The following BTBD7 variants were observed in gnomAD, a reference collection of about 807,000 sequenced individuals.
BTBD7 encodes the protein BTB domain containing 7.
In BTBD7, 38 loss-of-function variants were observed where a neutral mutation model predicts 99.9. The ratio of observed to expected loss-of-function variants is 0.38; its 90% confidence interval spans 0.29 to 0.50. The LOEUF is 0.50. Among genes scored for constraint, BTBD7 ranks in the 20% least tolerant of loss-of-function variants. BTBD7 has a pLI of 0.93. For missense variants in BTBD7, 1,170 were observed against 1,394.6 expected, an observed-to-expected ratio of 0.84 and a Z score of 2.57; for synonymous variants, 520 against 511.4, an observed-to-expected ratio of 1.02 and a Z score of -0.23.
chr14:93,326,521 G>A (rs1332944861), intron 1 of BTBD7, among the ~76,000 whole-genome samples: 1 of 152,050 alleles, frequency 6.6e-6, no homozygotes, highest in Non-Finnish European at 1.5e-5. Flanking sequence ...AGAAAACTGG[G>A]CCAGACATGG....
intron 3 of BTBD7, among the ~76,000 whole-genome samples, chr14:93,286,486 G>A (rs2052779179): frequency 6.6e-6 from 1 of 152,208 alleles, no homozygotes; most frequent in Non-Finnish European, 1.5e-5. Flanking sequence ...CTCAACCCAA[G>A]TCGGGGGTAA....
At chr14:93,276,892 ATTTTTTTTTTTT>A (rs549579457) in intron 3 of BTBD7, among the ~76,000 whole-genome samples, 9 of 80,370 alleles carry the variant, frequency 1.1e-4, no homozygotes, top group African/African-American at 3.5e-4. Context: ...ACACAGATTA[ATTTTTTTTTTTT>A]TTTTTTTTTT....
intron 3 of BTBD7, among the ~76,000 whole-genome samples, chr14:93,267,028 G>GGGCATTGGAATAGAATTGAGTGGGAC (rs1440257936): frequency 6.6e-6 from 1 of 152,140 alleles, no homozygotes; most frequent in Non-Finnish European, 1.5e-5. Flanking sequence ...GTTTTAAAGT[G>GGGCATTGGAATAGAATTGAGTGGGAC]GGCATTGGAA....
At position 93,283,530 on chromosome 14, in the gene BTBD7, A is replaced by C. The variant is rs138548480; in HGVS notation, c.1162+10328T>G. ...TTTAAAAGCCATATAACAAGCTATA[A>C]CATTTATTTATATACAATGTTTTGT... On this transcript the variant is annotated intron_variant, in intron 3 of 10. Coordinates refer to ENST00000334746, the MANE Select transcript of BTBD7 (RefSeq NM_001002860.4). Among the ~76,000 whole-genome samples the C allele has an allele frequency of 9.3e-4, 142 of 152,224 alleles. 2 individuals are homozygous for C. Among genetic ancestry groups the C allele is most frequent in the African/African-American group, 3.2e-3 (134 of 41,546 alleles).
chr14:93,321,712 C>T (rs985861514), intron 1 of BTBD7, among the ~76,000 whole-genome samples: 2 of 152,162 alleles, frequency 1.3e-5, no homozygotes, highest in African/African-American at 4.8e-5. Flanking sequence ...GCAAAACTGC[C>T]CAAGTTTGGA....
chr14:93,322,188 C>A (rs2053277983), intron 1 of BTBD7, among the ~76,000 whole-genome samples: 1 of 152,172 alleles, frequency 6.6e-6, no homozygotes, highest in African/African-American at 2.4e-5. Flanking sequence ...TCGCTACTCA[C>A]CATAACCTCA....
At chr14:93,319,721 TCTACTGTACAACACTGTAC>T (rs1283222895) in intron 1 of BTBD7, among the ~76,000 whole-genome samples, 1 of 152,150 alleles carries the variant, frequency 6.6e-6, no homozygotes, top group Non-Finnish European at 1.5e-5. Flanking sequence ...GCTCTAGAGA[TCTACTGTACAACACTGTAC>T]CTATAGTCAA....
At chr14:93,284,863 A>C (rs1484279394) in intron 3 of BTBD7, among the ~76,000 whole-genome samples, 1 of 152,124 alleles carries the variant, frequency 6.6e-6, no homozygotes, top group Non-Finnish European at 1.5e-5. Flanking sequence ...GAAAAGTGAG[A>C]GCAGAGGGTC....
intron 5 of BTBD7, among the ~76,000 whole-genome samples, chr14:93,259,625 T>C (rs1399553767): frequency 2.6e-5 from 4 of 152,190 alleles, no homozygotes; most frequent in African/African-American, 9.7e-5. Context: ...TGAGAACTAA[T>C]TGTATGCTGG....
chr14:93,244,250 T>TG, intron 10 of BTBD7: 1 of 306,392 alleles, frequency 3.3e-6, no homozygotes. Context: ...AAGAGGATGC[T>TG]GGCTATTAAG....
chr14:93,294,936 C>A lies in BTBD7; in HGVS notation c.84G>T (p.Gly28=), dbSNP rs757617434. The A allele has an allele frequency of 6.0e-5, 92 of 1,533,702 alleles. 1 individual carries two copies. In the South Asian group the frequency reaches 1.1e-3, roughly 18 times the overall value. The change falls in exon 3 of 11, where the codon GGG becomes GGT. Residue 28 remains glycine (G), a splice_region_variant and synonymous_variant. Coordinates refer to ENST00000334746, the MANE Select transcript of BTBD7 (RefSeq NM_001002860.4). ...GNSQAQQTFI[G]TSSYSQQGYG... is the part of the protein sequence containing the mutation. ...AGCCTTGCTGAGAATAGGATGAGGT[C>A]CCTAAGAAAAAAATTAAACAAATGA...
intron 3 of BTBD7, among the ~76,000 whole-genome samples, chr14:93,267,220 A>G (rs1250605493): frequency 1.3e-5 from 2 of 152,238 alleles, no homozygotes; most frequent in Non-Finnish European, 1.5e-5. Context: ...ACAAATATTT[A>G]AACTGCTGAG....
chr14:93,306,350 A>G (rs1165746882), intron 1 of BTBD7, among the ~76,000 whole-genome samples: 13 of 151,784 alleles, frequency 8.6e-5, no homozygotes, highest in Admixed American at 8.5e-4. Flanking sequence ...GCTCACGCCT[A>G]TAATCCCAGC....
rs2052256019 is a variant in BTBD7 at position 93,243,086 on chromosome 14, T to C, written c.2586A>G (p.Arg862=). 1.2e-5 allele frequency: 19 copies of C among 1,609,050 alleles called. No homozygotes were observed. The highest frequency in any genetic ancestry group is 1.5e-5 in the Non-Finnish European group (18 of 1,176,178). ...TCAGATCATTCAGCACAGGTTGTGTTCGCTGCAGACAGAGACAAAAATGGT... is the reference window on the plus strand; with the variant it reads ...TCAGATCATTCAGCACAGGTTGTGTCCGCTGCAGACAGAGACAAAAATGGT... ...AAAAASEKQV[R]TQPVLNDLMP... The change falls in exon 11 of 11, where the codon CGA becomes CGG. Residue 862 remains arginine (R), a splice_region_variant and synonymous_variant. Coordinates refer to ENST00000334746, the MANE Select transcript of BTBD7 (RefSeq NM_001002860.4).
intron 10 of BTBD7, among the ~76,000 whole-genome samples, chr14:93,245,019 T>G (rs1211178030): frequency 1.3e-5 from 2 of 151,922 alleles, no homozygotes; most frequent in African/African-American, 4.8e-5. Flanking sequence ...GCTACCACAC[T>G]TAGCTAATTC....
chr14:93,278,970 CT>C (rs1352183497), intron 3 of BTBD7, among the ~76,000 whole-genome samples: 1 of 152,102 alleles, frequency 6.6e-6, no homozygotes, highest in African/African-American at 2.4e-5. Flanking sequence ...ACAAATTCTC[CT>C]GAACAAATGA....
chr14:93,243,168 TC>T, intron 10 of BTBD7, 80 bp from the exon 11 acceptor site: 3 of 1,309,028 alleles, frequency 2.3e-6, no homozygotes, highest in Non-Finnish European at 3.2e-6. Flanking sequence ...TGATTTTGTT[TC>T]CCAATTATAA....
At chr14:93,300,257 C>CTTTTTTT (rs35598735) in intron 1 of BTBD7, among the ~76,000 whole-genome samples, 3 of 119,646 alleles carry the variant, frequency 2.5e-5, no homozygotes, top group Non-Finnish European at 5.0e-5. Context: ...TTTCTTTGTT[C>CTTTTTTT]TTTTTTTTTT....
At chr14:93,321,421 C>T (rs1284873329) in intron 1 of BTBD7, among the ~76,000 whole-genome samples, 4 of 152,082 alleles carry the variant, frequency 2.6e-5, no homozygotes, top group Admixed American at 6.5e-5. Flanking sequence ...GGTGAAACCC[C>T]GTCTCTACTA....
Sources: allele counts gnomAD v4.1 joint callset (sites outside exome capture counted in the v4.1 genomes callset), GRCh38; gene constraint gnomAD v4.1.1; transcripts MANE v1.5; gene names NCBI Gene and HGNC (gene_info 2026-07-23, HGNC 2026-07-21).